Variants in GOT1 observed in about 807,000 individuals in gnomAD.
GOT1 encodes glutamic-oxaloacetic transaminase 1.
A neutral mutation model predicts 48.2 loss-of-function variants in GOT1; 25 were observed. That is an observed-to-expected ratio of 0.52 (90% CI 0.38 to 0.72). The LOEUF (loss-of-function observed/expected upper bound fraction) is 0.72, where lower values mean the gene tolerates loss of function less well. Among genes scored for constraint, GOT1 ranks in the 30% least tolerant of loss-of-function variants. The pLI, the probability that GOT1 is intolerant of heterozygous loss-of-function variation, is 0.00. For synonymous variants in GOT1, 188 were observed against 193.8 expected (o/e 0.97, Z 0.25); for missense variants, 380 against 520.1 (o/e 0.73, Z 2.62).
chr10:99,425,174 A>C (rs983369055), intron 1 of GOT1, among the ~76,000 whole-genome samples: 1 of 152,250 alleles, frequency 6.6e-6, no homozygotes, highest in Non-Finnish European at 1.5e-5. Flanking sequence ...ATAAGAGTTT[A>C]AAAGGTAAAC....
intron 2 of GOT1, among the ~76,000 whole-genome samples, chr10:99,414,884 T>C (rs991135170): frequency 1.3e-5 from 2 of 149,400 alleles, no homozygotes; most frequent in Non-Finnish European, 3.0e-5. Context: ...AGGTGTTCTT[T>C]GAAACCACCG....
intron 2 of GOT1, 89 bp from the exon 3 acceptor site, chr10:99,406,938 T>C: frequency 1.6e-6 from 2 of 1,215,100 alleles, no homozygotes; most frequent in Non-Finnish European, 2.4e-6. Flanking sequence ...ACTTACTCTA[T>C]GCCTGCTCTG....
chr10:99,429,107 T>C (rs777661221), intron 1 of GOT1, among the ~76,000 whole-genome samples: 104 of 151,852 alleles, frequency 6.8e-4, no homozygotes, highest in Admixed American at 1.1e-3. Flanking sequence ...TGGAGTGCAA[T>C]GGCACGATCT....
chr10:99,412,298 C>T (rs1422318291), intron 2 of GOT1, among the ~76,000 whole-genome samples: 1 of 150,022 alleles, frequency 6.7e-6, no homozygotes, highest in East Asian at 2.0e-4. Context: ...AGCTCAAAGT[C>T]TGGATTTTAC....
At chr10:99,420,185 G>T (rs928016337) in intron 2 of GOT1, 1 of 154,812 alleles carries the variant, frequency 6.5e-6, no homozygotes, top group African/African-American at 2.4e-5. Flanking sequence ...GGACTCAGAG[G>T]CCCCTTAAAC....
In GOT1 at chr10:99,430,126, T is replaced by C. The variant is rs78156339; in HGVS notation, c.118+322A>G. The C allele has an allele frequency of 5.8e-5, 31 of 536,454 alleles. No individual in the cohort carries two copies. The East Asian group carries it at 1.6e-3, about 28-fold the overall frequency. The allele number at this position is 536,454 out of a possible 1,614,324, so 33.2% of individuals were successfully genotyped here. ...GGCTTCCTATTTTTCTACCTCTCTC[T>C]ACAAGCTCCGGCAGCCTCATTTCTT... On this transcript the variant is annotated intron_variant, in intron 1 of 8. Transcript: ENST00000370508.
intron 2 of GOT1, among the ~76,000 whole-genome samples, chr10:99,409,284 C>G (rs1410974850): frequency 6.6e-6 from 1 of 152,082 alleles, no homozygotes; most frequent in African/African-American, 2.4e-5. Flanking sequence ...AGGCACGTAC[C>G]ACCACACCCA....
chr10:99,403,444 G>T (rs1051180049), intron 7 of GOT1, 25 bp downstream of exon 7: 12 of 1,592,306 alleles, frequency 7.5e-6, no homozygotes, highest in Non-Finnish European at 1.0e-5. Flanking sequence ...CCACCCCCCG[G>T]CCCACCAGAC....
chr10:99,425,389 T>A (rs1258427934), intron 1 of GOT1, among the ~76,000 whole-genome samples: 1 of 151,974 alleles, frequency 6.6e-6, no homozygotes, highest in Non-Finnish European at 1.5e-5. Context: ...AGCAAGAGAG[T>A]AACATGAGCA....
At chr10:99,409,279 C>T (rs149007190) in intron 2 of GOT1, among the ~76,000 whole-genome samples, 131 of 152,114 alleles carry the variant, frequency 8.6e-4, no homozygotes, top group Middle Eastern at 3.4e-3. Context: ...ACTACAGGCA[C>T]GTACCACCAC....
At position 99,402,633 on chromosome 10, in the gene GOT1, G is replaced by C; in HGVS notation, c.1049C>G (p.Thr350Ser). 6.2e-7 allele frequency: 1 copy of C among 1,614,184 alleles called. No individual in the cohort carries two copies. The highest frequency in any genetic ancestry group is 8.5e-7 in the Non-Finnish European group (1 of 1,180,008). ...AATTTGATCAGTGATGTGGTTCCAG[G>C]TCCCAGGGGTTTTGAGGGCTTCTAG... is the stretch of plus-strand genomic sequence containing the variant. ...ARLEALKTPG[T>S]WNHITDQIGM... The change falls in exon 8 of 9, where the codon ACC (threonine) becomes AGC (serine). Residue 350 changes from threonine to serine, a missense_variant. Physicochemically the swap from Thr to Ser is moderately conservative, Grantham distance 58. Coordinates refer to ENST00000370508, the MANE Select transcript of GOT1 (RefSeq NM_002079.3).
rs775897362 is a variant in GOT1 at position 99,403,497 on chromosome 10, G to T, written c.931C>A (p.Leu311Ile). ...TCCTCAAAGAGCTCAGGGTTAGAGA[G>T]GGTGCTGGCCACAATTCGTGCTCCC... ...AQGARIVAST[L>I]SNPELFEEWT... The change falls in exon 7 of 9, where the codon CTC becomes ATC. Residue 311 changes from leucine (L) to isoleucine (I), a missense_variant. By Grantham distance (5) the Leu-to-Ile change is conservative (BLOSUM62 2). Coordinates refer to ENST00000370508, the MANE Select transcript of GOT1 (RefSeq NM_002079.3). 1.9e-6 allele frequency: 3 copies of T among 1,613,980 alleles called. No individual in the cohort carries two copies. The highest frequency in any genetic ancestry group is 2.5e-6 in the Non-Finnish European group (3 of 1,179,994).
rs923155621 is a variant in GOT1 at position 99,404,006 on chromosome 10, G to A, written c.643-132C>T. 10 of 754,158 alleles carry A rather than the reference G, an allele frequency of 1.3e-5. No individual in the cohort carries two copies. In the Admixed American group the frequency reaches 2.3e-4, roughly 18 times the overall value. The allele number at this position is 754,158 out of a possible 1,614,324, so 46.7% of individuals were successfully genotyped here. ...CATTTCTCCTATTTCTTGACTATAT[G>A]CACCCAAGCTCCACTTTACATCCAT... On this transcript the variant is annotated intron_variant, in intron 5 of 8. Transcript: ENST00000370508.
chr10:99,397,444 C>T lies in GOT1; in HGVS notation c.*103G>A. 2.4e-6 allele frequency: 3 copies of T among 1,261,348 alleles called. No individual in the cohort carries two copies. The highest frequency in any genetic ancestry group is 2.3e-6 in the Non-Finnish European group (2 of 872,118). The allele number at this position is 1,261,348 out of a possible 1,614,324, so 78.1% of individuals were successfully genotyped here. ...GCCTCACCAGAGCAGCCTTTCAGTC[C>T]TGCAAGTGTCTCTAATCCATGGTAT... On this transcript the variant is annotated 3_prime_UTR_variant, in exon 9 of 9. Coordinates refer to ENST00000370508, the MANE Select transcript of GOT1 (RefSeq NM_002079.3). This position sits in a 1 kb window ranked among gnomAD's most constrained non-coding sequence, Gnocchi z 5.4.
In GOT1 at chr10:99,406,840, C is replaced by A. The variant is rs2134099153; in HGVS notation, c.310G>T (p.Val104Leu). The change falls in exon 3 of 9, where the codon GTG (valine) becomes TTG (leucine). Residue 104 changes from valine to leucine, a missense_variant. Coordinates refer to ENST00000370508, the MANE Select transcript of GOT1 (RefSeq NM_002079.3). ...GCACCTGTTCCCCCCAAAGATTGCA[C>A]ACCTCCTACCTGAAAGAGAAGAAAC... ...PALKEKRVGG[V>L]QSLGGTGALR... 6.2e-7 allele frequency: 1 copy of A among 1,613,944 alleles called. No homozygotes were observed. Among genetic ancestry groups the A allele is most frequent in the East Asian group, 2.2e-5 (1 of 44,884 alleles).
At chr10:99,408,579 C>T (rs540254847) in intron 2 of GOT1, among the ~76,000 whole-genome samples, 1 of 152,234 alleles carries the variant, frequency 6.6e-6, no homozygotes, top group Admixed American at 6.5e-5. Flanking sequence ...ATTAGCTGGG[C>T]ATGGTGGCAC....
At chr10:99,421,894 T>C (rs1301310954) in intron 1 of GOT1, among the ~76,000 whole-genome samples, 1 of 152,178 alleles carries the variant, frequency 6.6e-6, no homozygotes, top group African/African-American at 2.4e-5. Flanking sequence ...CATTTTAGGG[T>C]TGTTGTTACC....
At chr10:99,424,269 T>C (rs1264790644) in intron 1 of GOT1, among the ~76,000 whole-genome samples, 2 of 152,236 alleles carry the variant, frequency 1.3e-5, no homozygotes, top group Admixed American at 6.5e-5. Flanking sequence ...GGGAATAGCA[T>C]TTGCATCATC....
chr10:99,424,190 C>G lies in GOT1; in HGVS notation c.119-3385G>C, dbSNP rs1222332350. Among the ~76,000 whole-genome samples, 5 of 152,186 alleles carry G rather than the reference C, an allele frequency of 3.3e-5. No individual in the cohort carries two copies. The East Asian group carries it at 7.7e-4, about 23-fold the overall frequency. ...CTTCTTTTGGAATTGTTTCTAGAGG[C>G]AACATCTCATTATTTTGAATAGCCT... On this transcript the variant is annotated intron_variant, in intron 1 of 8. Transcript: ENST00000370508.
Sources: gnomAD v4.1 joint callset for allele counts (sites outside exome capture counted in the v4.1 genomes callset) on GRCh38, gnomAD v4.1.1 for gene constraint, Gnocchi (gnomAD v3.1) non-coding constraint, MANE v1.5 for transcripts, NCBI Gene and HGNC (gene_info 2026-07-23, HGNC 2026-07-21) for gene names.